Variants in RABL6 observed in about 807,000 individuals in gnomAD.
RABL6 encodes the protein rab-like protein 6.
A neutral mutation model predicts 72.9 loss-of-function variants in RABL6; 28 were observed. That is an observed-to-expected ratio of 0.38 (90% CI 0.28 to 0.53). The LOEUF (loss-of-function observed/expected upper bound fraction) is 0.53. Ranked by LOEUF, RABL6 falls within the 20% of genes least tolerant of loss-of-function variation. RABL6 has a pLI of 0.80. For missense variants in RABL6, 1,029 were observed against 1,008.4 expected, an observed-to-expected ratio of 1.02 and a Z score of -0.28; for synonymous variants, 477 against 421.2, an observed-to-expected ratio of 1.13 and a Z score of -1.62.
chr9:136,831,533 C>T (rs1848473604), intron 5 of RABL6, among the ~76,000 whole-genome samples, 188 bp from the exon 6 acceptor site: 1 of 152,116 alleles, frequency 6.6e-6, no homozygotes, highest in Non-Finnish European at 1.5e-5. Context: ...GGGCTGCAGG[C>T]TGAGGGGTGC....
At position 136,839,801 on chromosome 9, in the gene RABL6, G is replaced by A. The variant is rs1848655596; in HGVS notation, c.1866G>A (p.Lys622=). ...TCCCTCTCCCCGCCTTCAGACTGAA[G>A]AATGACTCGGACCTCTTCGGGCTGG... ...PKLPLPAFRL[K]NDSDLFGLGL... Residue 622 remains lysine, a synonymous_variant, in exon 13 of 15, where the codon AAG becomes AAA. Coordinates refer to ENST00000311502, the MANE Select transcript of RABL6 (RefSeq NM_024718.5). 3.1e-6 allele frequency: 5 copies of A among 1,612,846 alleles called. No homozygotes were observed. Among genetic ancestry groups the A allele is most frequent in the Non-Finnish European group, 4.2e-6 (5 of 1,179,822 alleles).
rs1848358258 is a variant in RABL6 at position 136,826,421 on chromosome 9, C to T, written c.313+595C>T. ...TGTGTGGTGTGTGCAGGGCTGGCCACGTGCACGCCCCGGCCTCACAGGCCT... is the reference window on the plus strand; with the variant it reads ...TGTGTGGTGTGTGCAGGGCTGGCCATGTGCACGCCCCGGCCTCACAGGCCT... On this transcript the variant is annotated intron_variant, in intron 3 of 14. Transcript: ENST00000311502. The surrounding 1 kb of genome is among the most constrained non-coding windows in gnomAD (Gnocchi z 4.9). 6.6e-6 allele frequency among the ~76,000 whole-genome samples: 1 copy of T among 152,140 alleles called. No homozygotes were observed. The highest frequency in any genetic ancestry group is 6.6e-5 in the Admixed American group (1 of 15,226).
At chr9:136,824,019 C>T (rs1564364080) in intron 2 of RABL6, among the ~76,000 whole-genome samples, 1 of 152,244 alleles carries the variant, frequency 6.6e-6, no homozygotes, top group Non-Finnish European at 1.5e-5. Context: ...CCCAGCCCGA[C>T]ATCTTCTCCA....
chr9:136,831,610 TG>T, intron 5 of RABL6, 110 bp from the exon 6 acceptor site: 2 of 1,482,956 alleles, frequency 1.3e-6, no homozygotes, highest in Non-Finnish European at 1.8e-6. Flanking sequence ...GGTTGGATGT[TG>T]GAAATGAGAA....
At position 136,841,185 on chromosome 9, in the gene RABL6, C is replaced by T; in HGVS notation, c.*663C>T. 2 of 627,688 alleles carry T rather than the reference C, an allele frequency of 3.2e-6. No homozygotes were observed. The highest frequency in any genetic ancestry group is 4.8e-6 in the Non-Finnish European group (2 of 418,634). The allele number at this position is 627,688 out of a possible 1,614,324, so 38.9% of individuals were successfully genotyped here. ...GACCATAAAGCACTCCTGTTTCACT[C>T]TGCGTGTGTCTGTTCTTCTGCCTGT... is the stretch of plus-strand genomic sequence containing the variant. On this transcript the variant is annotated 3_prime_UTR_variant, in exon 15 of 15. Transcript: ENST00000311502.
chr9:136,835,677 T>C (rs2811744), intron 7 of RABL6, 65 bp from the exon 8 acceptor site: 1,146,396 of 1,420,738 alleles, frequency 0.81, 463,532 homozygotes, highest in East Asian at 0.88. Flanking sequence ...ATTCAGGGGC[T>C]GTGGGGCTGG....
Position 136,808,016 on chromosome 9 carries a change from G to T in RABL6, c.-181G>T. On this transcript the variant is annotated 5_prime_UTR_variant, in exon 1 of 15. Coordinates refer to ENST00000311502, the MANE Select transcript of RABL6 (RefSeq NM_024718.5). ...GCGGGGGCCGGAGCGGAGCAGCCGCGGCTGAGGTTCCCGAGTCGCCGCTCG... is the reference window on the plus strand; with the variant it reads ...GCGGGGGCCGGAGCGGAGCAGCCGCTGCTGAGGTTCCCGAGTCGCCGCTCG... 1 of 1,033,704 alleles carries T rather than the reference G, an allele frequency of 9.7e-7. No homozygotes were observed. Among genetic ancestry groups the T allele is most frequent in the African/African-American group, 1.7e-5 (1 of 58,038 alleles). The allele number at this position is 1,033,704 out of a possible 1,614,324, so 64.0% of individuals were successfully genotyped here.
chr9:136,823,503 C>T (rs1348439200), intron 1 of RABL6, 22 bp from the exon 2 acceptor site: 1 of 1,612,332 alleles, frequency 6.2e-7, no homozygotes, highest in Non-Finnish European at 8.5e-7. Context: ...TTTGCCTTTT[C>T]TTTTTCTCTT....
rs1427452193 is a variant in RABL6 at position 136,826,199 on chromosome 9, C to A, written c.313+373C>A. Among the ~76,000 whole-genome samples, 1 of 152,164 alleles carries A rather than the reference C, an allele frequency of 6.6e-6. No homozygotes were observed. Among genetic ancestry groups the A allele is most frequent in the Non-Finnish European group, 1.5e-5 (1 of 67,990 alleles). ...GCGGCCCCCTGCCCATAGCTGAGGA[C>A]CCAGCTCCTGCGCTCCTGTCCCTGC... On this transcript the variant is annotated intron_variant, in intron 3 of 14. Coordinates refer to ENST00000311502, the MANE Select transcript of RABL6 (RefSeq NM_024718.5). This position sits in a 1 kb window ranked among gnomAD's most constrained non-coding sequence, Gnocchi z 4.9.
At chr9:136,834,668 G>T (rs186113658) in intron 7 of RABL6, among the ~76,000 whole-genome samples, 1 of 152,062 alleles carries the variant, frequency 6.6e-6, no homozygotes, top group Non-Finnish European at 1.5e-5. Flanking sequence ...TAGTAGGGAC[G>T]GGGTTTTGCC....
intron 13 of RABL6, 22 bp downstream of exon 13, chr9:136,839,887 CG>C: frequency 1.2e-6 from 2 of 1,604,562 alleles, no homozygotes; most frequent in Non-Finnish European, 1.7e-6. Context: ...CACCAGAGTG[CG>C]GTCAGCCTGC....
At chr9:136,817,833 A>T (rs937715517) in intron 1 of RABL6, among the ~76,000 whole-genome samples, 1 of 152,096 alleles carries the variant, frequency 6.6e-6, no homozygotes, top group African/African-American at 2.4e-5. Context: ...AGGCTGAGGC[A>T]GGTGGATCAC....
intron 1 of RABL6, chr9:136,808,820 C>G (rs566136293): frequency 7.2e-6 from 1 of 139,180 alleles, no homozygotes; most frequent in East Asian, 2.2e-4. Context: ...AGAATATTAG[C>G]TACGCCACAC....
At chr9:136,838,843 G>A (rs1848631409) in intron 10 of RABL6, 66 bp from the exon 11 acceptor site, 2 of 1,408,880 alleles carry the variant, frequency 1.4e-6, no homozygotes, top group African/African-American at 2.9e-5. Context: ...CTAGAACCAA[G>A]GCCCGTGAGC....
chr9:136,839,949 G>T, intron 13 of RABL6, 84 bp downstream of exon 13: 2 of 1,535,156 alleles, frequency 1.3e-6, no homozygotes, highest in East Asian at 2.4e-5. Flanking sequence ...CCGCTGGCCG[G>T]GGTCCTCTCC....
chr9:136,832,061 C>T (rs1848488807), intron 6 of RABL6, 200 bp downstream of exon 6: 1 of 979,208 alleles, frequency 1.0e-6, no homozygotes, highest in Non-Finnish European at 1.5e-6. Context: ...GAACTGTGTG[C>T]CAGGGTGAAG....
chr9:136,812,273 T>C (rs1848027213), intron 1 of RABL6, among the ~76,000 whole-genome samples: 1 of 152,074 alleles, frequency 6.6e-6, no homozygotes, highest in African/African-American at 2.4e-5. Flanking sequence ...AAATGGGACT[T>C]AGCAGGCCGG....
chr9:136,839,710 G>A lies in RABL6; in HGVS notation c.1775G>A (p.Arg592Gln), dbSNP rs773563771. The stretch of plus-strand genomic sequence containing the variant: ...CTGCTCCAGGATGACTTTCCCGTGC[G>A]AGATGACCCCTCCGATGTGACTGAC... ...TQRRADDFPV[R>Q]DDPSDVTDED... The change falls in exon 13 of 15, where the codon CGA becomes CAA. Residue 592 changes from arginine (R) to glutamine (Q), a missense_variant. By Grantham distance (43) the Arg-to-Gln change is conservative. Coordinates refer to ENST00000311502, the MANE Select transcript of RABL6 (RefSeq NM_024718.5). 148 of 1,592,204 alleles carry A rather than the reference G, an allele frequency of 9.3e-5. No homozygotes were observed. Among genetic ancestry groups the A allele is most frequent in the Middle Eastern group, 1.7e-4 (1 of 5,976 alleles).
chr9:136,808,522 G>A, intron 1 of RABL6, 196 bp downstream of exon 1: 1 of 420,140 alleles, frequency 2.4e-6, no homozygotes, highest in Non-Finnish European at 3.7e-6. Flanking sequence ...GGGTCCTCGC[G>A]GCCCCCGAGC....
Sources: allele counts gnomAD v4.1 joint callset (sites outside exome capture counted in the v4.1 genomes callset), GRCh38; gene constraint gnomAD v4.1.1; non-coding constraint Gnocchi (gnomAD v3.1); transcripts MANE v1.5; gene names NCBI Gene and HGNC (gene_info 2026-07-23, HGNC 2026-07-21).